The following CYB5B variants were observed in gnomAD, a reference collection of about 807,000 sequenced individuals.
CYB5B encodes the protein cytochrome b5 type B (outer mitochondrial membrane).
CYB5B carries 14 observed loss-of-function variants against 21.3 expected under a neutral mutation model. The ratio of observed to expected loss-of-function variants is 0.66; its 90% CI spans 0.43 to 1.03. The LOEUF is 1.03. Ranked by LOEUF, CYB5B falls within the 50% of genes least tolerant of loss-of-function variation. The pLI, the probability that CYB5B is intolerant of heterozygous loss-of-function variation, is 0.00. For synonymous variants in CYB5B, 69 were observed against 68.4 expected (o/e 1.01, Z -0.04); for missense variants, 166 against 185.1 (o/e 0.90, Z 0.60).
chr16:69,439,172 T>C (rs1180438818), intron 1 of CYB5B, among the ~76,000 whole-genome samples: 1 of 152,196 alleles, frequency 6.6e-6, no homozygotes, highest in Non-Finnish European at 1.5e-5. Context: ...AACCTTTCCT[T>C]TGCATGTGGA....
chr16:69,452,430 C>CA (rs763703271), intron 3 of CYB5B, among the ~76,000 whole-genome samples: 1 of 152,072 alleles, frequency 6.6e-6, no homozygotes, highest in Non-Finnish European at 1.5e-5. Context: ...ACTGTAGTCC[C>CA]AGCACTTTGG....
intron 3 of CYB5B, among the ~76,000 whole-genome samples, chr16:69,452,616 G>A (rs1292164449): frequency 6.6e-6 from 1 of 152,170 alleles, no homozygotes; most frequent in Non-Finnish European, 1.5e-5. Flanking sequence ...GTTGCAGTGA[G>A]CCAAGATTGT....
At chr16:69,444,292 C>G (rs572732561) in intron 1 of CYB5B, 1 of 152,564 alleles carries the variant, frequency 6.6e-6, no homozygotes, top group Admixed American at 6.6e-5. Flanking sequence ...AGCTCCTACC[C>G]TCTGTCTTCA....
intron 3 of CYB5B, among the ~76,000 whole-genome samples, chr16:69,455,598 G>A (rs1467777608): frequency 6.6e-6 from 1 of 151,616 alleles, no homozygotes; most frequent in South Asian, 2.1e-4. Flanking sequence ...AGTAGAGATG[G>A]GGTTTCACCA....
At chr16:69,433,690 A>C (rs1431884138) in intron 1 of CYB5B, among the ~76,000 whole-genome samples, 1 of 152,248 alleles carries the variant, frequency 6.6e-6, no homozygotes, top group East Asian at 1.9e-4. Context: ...TAAAATGTAC[A>C]GATTTTGAAT....
At position 69,424,660 on chromosome 16, in the gene CYB5B, C is replaced by T. The variant is rs781223469; in HGVS notation, c.-24C>T. On this transcript the variant is annotated 5_prime_UTR_variant, in exon 1 of 5. Transcript: ENST00000307892. ...CTCTCAAGGAAAGTAGTCGCGGAATCTCAGTTAGCGGTGGAGAGGCAGTAT... is the reference window on the plus strand; with the variant it reads ...CTCTCAAGGAAAGTAGTCGCGGAATTTCAGTTAGCGGTGGAGAGGCAGTAT... 1 of 1,506,450 alleles carries T rather than the reference C, an allele frequency of 6.6e-7. No individual in the cohort carries two copies. Among genetic ancestry groups the T allele is most frequent in the Non-Finnish European group, 8.9e-7 (1 of 1,123,738 alleles). The allele number at this position is 1,506,450 out of a possible 1,614,324, so 93.3% of individuals were successfully genotyped here. A position where few individuals can be genotyped will look rare whatever the true frequency, so the allele number is the denominator to read the frequency against.
chr16:69,462,732 T>G lies in CYB5B; in HGVS notation c.*212T>G. ...CCCAAAGTACCTGCTCACTGTTCCG[T>G]GTTGAACAATTGCCGGTGTTTCCTC... is the stretch of plus-strand genomic sequence containing the variant. On this transcript the variant is annotated 3_prime_UTR_variant, in exon 5 of 5. Transcript: ENST00000307892. 1 of 520,836 alleles carries G rather than the reference T, an allele frequency of 1.9e-6. No individual in the cohort carries two copies. The highest frequency in any genetic ancestry group is 3.5e-6 in the Non-Finnish European group (1 of 287,930). The allele number at this position is 520,836 out of a possible 1,614,324, so 32.3% of individuals were successfully genotyped here. A position where few individuals can be genotyped will look rare whatever the true frequency, so the allele number is the denominator to read the frequency against.
At chr16:69,435,701 G>T (rs35211785) in intron 1 of CYB5B, among the ~76,000 whole-genome samples, 1 of 151,892 alleles carries the variant, frequency 6.6e-6, no homozygotes, top group African/African-American at 2.4e-5. Context: ...GCAGTGGCGC[G>T]GTCTCAGCTC....
chr16:69,429,724 A>T (rs761450155), intron 1 of CYB5B, among the ~76,000 whole-genome samples: 1 of 152,204 alleles, frequency 6.6e-6, no homozygotes, highest in South Asian at 2.1e-4. Flanking sequence ...GGAATGAAAG[A>T]AAAATGAGTC....
intron 1 of CYB5B, among the ~76,000 whole-genome samples, chr16:69,431,455 C>T (rs1041805289): frequency 6.6e-6 from 1 of 151,872 alleles, no homozygotes; most frequent in African/African-American, 2.4e-5. Context: ...CCAGCCTGGG[C>T]GACAGAGTGA....
At chr16:69,428,958 G>A (rs2014676681) in intron 1 of CYB5B, among the ~76,000 whole-genome samples, 1 of 152,192 alleles carries the variant, frequency 6.6e-6, no homozygotes, top group South Asian at 2.1e-4. Context: ...ATGATCAGGG[G>A]AGGACAAATC....
At chr16:69,454,280 C>T (rs768055094) in intron 3 of CYB5B, among the ~76,000 whole-genome samples, 2 of 151,968 alleles carry the variant, frequency 1.3e-5, no homozygotes, top group African/African-American at 2.4e-5. Flanking sequence ...TTTTATATAA[C>T]GGTTTGACTC....
rs138920153 is a variant in CYB5B at position 69,431,452 on chromosome 16, G to T, written c.174+6595G>T. 7.2e-5 allele frequency among the ~76,000 whole-genome samples: 11 copies of T among 152,256 alleles called. No individual in the cohort carries two copies. In the East Asian group the frequency reaches 2.1e-3, roughly 29 times the overall value. The stretch of plus-strand genomic sequence containing the variant: ...AAACATAAACATGGAACCCCAGCCT[G>T]GGCGACAGAGTGAGATTCTGTCTTA... On this transcript the variant is annotated intron_variant, in intron 1 of 4. Coordinates refer to ENST00000307892, the MANE Select transcript of CYB5B (RefSeq NM_030579.3).
Position 69,465,560 on chromosome 16 carries a change from A to G in CYB5B, c.*3040A>G, listed in dbSNP as rs2015080963. The G allele has an allele frequency of 1.3e-5, 2 of 152,236 alleles. No individual in the cohort carries two copies. The highest frequency in any genetic ancestry group is 2.4e-5 in the African/African-American group (1 of 41,468). The allele number at this position is 152,236 out of a possible 1,614,324, so 9.4% of individuals were successfully genotyped here. The stretch of plus-strand genomic sequence containing the variant: ...GTAAAGTTGTTTTAGCAGTTGTCAT[A>G]AATGCATATGTTGTGAAATCAGAAC... On this transcript the variant is annotated 3_prime_UTR_variant, in exon 5 of 5. Coordinates refer to ENST00000307892, the MANE Select transcript of CYB5B (RefSeq NM_030579.3).
intron 1 of CYB5B, among the ~76,000 whole-genome samples, chr16:69,441,601 T>G (rs2014824101): frequency 6.6e-6 from 1 of 152,220 alleles, no homozygotes. Context: ...CCCTGGACAT[T>G]TATTCCAGAC....
At chr16:69,453,307 A>G (rs1174825549) in intron 3 of CYB5B, among the ~76,000 whole-genome samples, 3 of 152,322 alleles carry the variant, frequency 2.0e-5, no homozygotes, top group East Asian at 3.9e-4. Flanking sequence ...GTATTATGTA[A>G]CATACAGTTT....
At chr16:69,439,314 G>C (rs28670518) in intron 1 of CYB5B, among the ~76,000 whole-genome samples, 26,371 of 152,000 alleles carry the variant, frequency 0.17, 2,407 homozygotes, top group Middle Eastern at 0.25. Context: ...GGGTTCAAGC[G>C]ATTCGACTGC....
chr16:69,426,685 A>C (rs2014650645), intron 1 of CYB5B, among the ~76,000 whole-genome samples: 1 of 134,104 alleles, frequency 7.5e-6, no homozygotes, highest in African/African-American at 3.0e-5. Flanking sequence ...AGCCTGGGCG[A>C]CAGAGCGAGA....
intron 1 of CYB5B, among the ~76,000 whole-genome samples, chr16:69,444,871 G>C (rs951501815): frequency 6.6e-6 from 1 of 152,156 alleles, no homozygotes; most frequent in Non-Finnish European, 1.5e-5. Flanking sequence ...ACTTATTTCT[G>C]TTCCAGGACT....
Sources: gnomAD v4.1 joint callset for allele counts (sites outside exome capture counted in the v4.1 genomes callset) on GRCh38, gnomAD v4.1.1 for gene constraint, MANE v1.5 for transcripts, NCBI Gene and HGNC (gene_info 2026-07-23, HGNC 2026-07-21) for gene names.